The following DLGAP1 variants were observed in gnomAD, a reference collection of about 807,000 sequenced individuals.
DLGAP1 encodes the protein disks large-associated protein 1.
DLGAP1 carries 11 observed loss-of-function variants against 90.8 expected under a neutral mutation model. That is an observed-to-expected ratio of 0.12 (90% CI 0.08 to 0.20). The LOEUF (loss-of-function observed/expected upper bound fraction) is 0.20, where lower values mean the gene tolerates loss of function less well. Ranked by LOEUF, DLGAP1 falls within the 10% of genes least tolerant of loss-of-function variation. DLGAP1 has a pLI of 1.00. For synonymous variants in DLGAP1, 558 were observed against 540.7 expected (o/e 1.03, Z -0.44); for missense variants, 1,050 against 1,333.8 (o/e 0.79, Z 3.31).
At chr18:3,793,508 TC>T (rs2065841946) in intron 5 of DLGAP1, among the ~76,000 whole-genome samples, 1 of 151,896 alleles carries the variant, frequency 6.6e-6, no homozygotes. Flanking sequence ...CCTTCCAATT[TC>T]TTCTTGATAG....
intron 1 of DLGAP1, among the ~76,000 whole-genome samples, chr18:4,237,911 C>T (rs1039135095): frequency 1.3e-5 from 2 of 152,082 alleles, no homozygotes; most frequent in African/African-American, 4.8e-5. Context: ...ATCATACATG[C>T]CAAGTGAAAC....
intron 7 of DLGAP1, among the ~76,000 whole-genome samples, chr18:3,696,638 G>C (rs1336556796): frequency 6.6e-6 from 1 of 152,162 alleles, no homozygotes; most frequent in Non-Finnish European, 1.5e-5. Flanking sequence ...TGTTTGTCAG[G>C]GATATTGGCC....
chr18:3,575,941 G>A (rs766736470), intron 8 of DLGAP1, among the ~76,000 whole-genome samples: 13 of 152,114 alleles, frequency 8.5e-5, no homozygotes, highest in Admixed American at 5.2e-4. Flanking sequence ...GACTGCACAC[G>A]GATCATGTCC....
chr18:4,448,014 G>A (rs1351610872), intron 1 of DLGAP1, among the ~76,000 whole-genome samples: 1 of 152,144 alleles, frequency 6.6e-6, no homozygotes, highest in Non-Finnish European at 1.5e-5. Flanking sequence ...GGAACTGGAG[G>A]AGAGAACCAT....
chr18:4,319,921 C>T (rs1471117202), intron 1 of DLGAP1, among the ~76,000 whole-genome samples: 1 of 152,156 alleles, frequency 6.6e-6, no homozygotes, highest in African/African-American at 2.4e-5. Flanking sequence ...TCTCCAACCA[C>T]TCATTCTGGG....
intron 1 of DLGAP1, among the ~76,000 whole-genome samples, chr18:4,382,953 G>A (rs1327409333): frequency 2.0e-5 from 3 of 152,104 alleles, no homozygotes; most frequent in Non-Finnish European, 2.9e-5. Flanking sequence ...TAAGAACCTT[G>A]GAAACCAAAG....
intron 7 of DLGAP1, among the ~76,000 whole-genome samples, chr18:3,584,711 A>G (rs1439999525): frequency 2.0e-5 from 3 of 152,148 alleles, no homozygotes; most frequent in African/African-American, 7.2e-5. Flanking sequence ...GGCCCAGCCC[A>G]GGAGAACTTC....
chr18:3,800,666 G>A (rs1465423480), intron 5 of DLGAP1, among the ~76,000 whole-genome samples: 2 of 151,518 alleles, frequency 1.3e-5, no homozygotes, highest in African/African-American at 2.4e-5. Context: ...AGGGGAGGGG[G>A]ACTTTAACAC....
chr18:3,773,596 CAA>C (rs1444319374), intron 5 of DLGAP1, among the ~76,000 whole-genome samples: 1 of 152,116 alleles, frequency 6.6e-6, no homozygotes, highest in East Asian at 1.9e-4. Flanking sequence ...GTGCTGAAAA[CAA>C]GAACTGGCAG....
intron 2 of DLGAP1, among the ~76,000 whole-genome samples, chr18:4,097,321 A>G (rs763059610): frequency 2.6e-5 from 4 of 152,018 alleles, no homozygotes; most frequent in East Asian, 1.9e-4. Context: ...GGCACTTTCC[A>G]TCTTCCCCAT....
At chr18:3,979,618 G>A (rs1361982883) in intron 3 of DLGAP1, among the ~76,000 whole-genome samples, 1 of 152,182 alleles carries the variant, frequency 6.6e-6, no homozygotes, top group African/African-American at 2.4e-5. Flanking sequence ...GTTTCAGTTG[G>A]ACTATTACAC....
At chr18:3,846,955 TA>T (rs1440697629) in intron 4 of DLGAP1, among the ~76,000 whole-genome samples, 2 of 152,226 alleles carry the variant, frequency 1.3e-5, no homozygotes, top group Non-Finnish European at 2.9e-5. Context: ...CAATAAAATT[TA>T]TTTTAACATG....
At chr18:3,719,017 C>T (rs1163978616) in intron 7 of DLGAP1, among the ~76,000 whole-genome samples, 1 of 151,636 alleles carries the variant, frequency 6.6e-6, no homozygotes, top group Non-Finnish European at 1.5e-5. Flanking sequence ...ATAGACTTTC[C>T]TTCTCTAAAA....
chr18:3,848,283 A>AGAGGAGGAGGAGCAGTAGG (rs2069137663), intron 4 of DLGAP1, among the ~76,000 whole-genome samples: 1 of 152,002 alleles, frequency 6.6e-6, no homozygotes, highest in African/African-American at 2.4e-5. Flanking sequence ...AAGAGGAGGA[A>AGAGGAGGAGGAGCAGTAGG]GAGGAGGAGG....
chr18:4,412,839 A>G lies in DLGAP1; in HGVS notation c.-267+42167T>C, dbSNP rs539568500. Reference sequence around the variant, plus strand: ...GCCAGCAAACCCACCAGGTCCCCACACTCTGTCCTGGATAATACATGATTT... The same window carrying G: ...GCCAGCAAACCCACCAGGTCCCCACGCTCTGTCCTGGATAATACATGATTT... On this transcript the variant is annotated intron_variant, in intron 1 of 12. Coordinates refer to ENST00000315677, the MANE Select transcript of DLGAP1 (RefSeq NM_004746.4). Among the ~76,000 whole-genome samples, 22 of 152,220 alleles carry G rather than the reference A, an allele frequency of 1.4e-4. No individual in the cohort carries two copies. The South Asian group carries it at 4.4e-3, about 30-fold the overall frequency.
At chr18:4,315,766 A>T (rs1287848084) in intron 1 of DLGAP1, among the ~76,000 whole-genome samples, 2 of 151,926 alleles carry the variant, frequency 1.3e-5, no homozygotes, top group African/African-American at 2.4e-5. Context: ...AAATATTCAG[A>T]TTATTTGCCT....
chr18:3,963,283 C>T (rs1370196061), intron 3 of DLGAP1, among the ~76,000 whole-genome samples: 1 of 560 alleles, frequency 1.8e-3, no homozygotes, highest in Non-Finnish European at 0.013. Flanking sequence ...CCCCCCTCAC[C>T]CCCCAGGGTT....
rs765775551 is a variant in DLGAP1 at position 3,502,614 on chromosome 18, T to C, written c.2603A>G (p.Gln868Arg). Residue 868 changes from glutamine to arginine, a missense_variant, in exon 12 of 13, where the codon CAG becomes CGG. This residue lies in a region of DLGAP1 where 565 missense variants were observed against 879.7 expected (regional missense o/e 0.64). Transcript: ENST00000315677. ...CATGTCCCAAAACCCCGCCAAATCCTGGGAGGTGGGTCTTGGATGAGCATT... is the reference window on the plus strand; with the variant it reads ...CATGTCCCAAAACCCCGCCAAATCCCGGGAGGTGGGTCTTGGATGAGCATT... ...NPNAHPRPTS[Q>R]DLAGFWDMLQ... is the part of the protein sequence containing the mutation. The C allele has an allele frequency of 1.2e-6, 2 of 1,613,970 alleles. No homozygotes were observed.
chr18:3,930,512 C>T lies in DLGAP1; in HGVS notation c.-72-50372G>A, dbSNP rs752695881. Among the ~76,000 whole-genome samples the T allele has an allele frequency of 5.3e-5, 8 of 152,202 alleles. No homozygotes were observed. In the South Asian group the frequency reaches 6.2e-4, roughly 12 times the overall value. Reference sequence around the variant, plus strand: ...TGTGTAGGCTGCCCCTGAGATTGTGCGGATCTGAGCGTGTCCTGCAATAGG... The same window carrying T: ...TGTGTAGGCTGCCCCTGAGATTGTGTGGATCTGAGCGTGTCCTGCAATAGG... On this transcript the variant is annotated intron_variant, in intron 3 of 12. Transcript: ENST00000315677.
Sources: allele counts gnomAD v4.1 joint callset (sites outside exome capture counted in the v4.1 genomes callset), GRCh38; gene constraint gnomAD v4.1.1; regional missense constraint gnomAD v4.1.1; transcripts MANE v1.5; gene names NCBI Gene and HGNC (gene_info 2026-07-23, HGNC 2026-07-21).